NARS2: variants seen among roughly 807,000 people sequenced by gnomAD.
NARS2 encodes asparaginyl-tRNA synthetase 2, mitochondrial.
NARS2 carries 60 observed loss-of-function variants against 62.9 expected under a neutral mutation model. The observed-to-expected ratio is 0.95, with a 90% confidence interval of 0.77 to 1.18. The LOEUF (loss-of-function observed/expected upper bound fraction) is 1.18. Among genes scored for constraint, NARS2 ranks in the 50% most tolerant of loss-of-function variants. The pLI is 0.00. For missense variants in NARS2, 619 were observed against 576.4 expected, an observed-to-expected ratio of 1.07 and a Z score of -0.76; for synonymous variants, 196 against 200.0, an observed-to-expected ratio of 0.98 and a Z score of 0.17.
At position 78,465,876 on chromosome 11, in the gene NARS2, C is replaced by T. The variant is rs996766234; in HGVS notation, c.1164G>A (p.Thr388=). 69 of 1,613,904 alleles carry T rather than the reference C, an allele frequency of 4.3e-5. No homozygotes were observed. In the Admixed American group the frequency reaches 9.0e-4, roughly 21 times the overall value. The change falls in exon 11 of 14, where the codon ACG becomes ACA. Residue 388 remains threonine (T), a splice_region_variant and synonymous_variant. Transcript: ENST00000281038. ...CAATTTATTTAGTATCTCTTCTTAC[C>T]GTGTGCTGAGGGCCATCTTCATTAT... ...MRDNEDGPQH[T]VAAVDLLVPG...
intron 5 of NARS2, among the ~76,000 whole-genome samples, chr11:78,551,704 A>T (rs1856122831): frequency 6.6e-6 from 1 of 151,698 alleles, no homozygotes. Flanking sequence ...TACAAAAATT[A>T]GCCGGGCGTG....
chr11:78,502,255 C>T (rs139386541), intron 6 of NARS2, among the ~76,000 whole-genome samples: 1 of 152,246 alleles, frequency 6.6e-6, no homozygotes, highest in African/African-American at 2.4e-5. Flanking sequence ...AATTAATTTT[C>T]CTGCAGTTCT....
At chr11:78,438,883 G>A (rs960276254) in intron 13 of NARS2, among the ~76,000 whole-genome samples, 7 of 152,108 alleles carry the variant, frequency 4.6e-5, no homozygotes, top group African/African-American at 1.7e-4. Flanking sequence ...TACTAATATA[G>A]AAGGAAGCAA....
chr11:78,438,286 A>G (rs1857472461), intron 13 of NARS2, among the ~76,000 whole-genome samples: 1 of 152,206 alleles, frequency 6.6e-6, no homozygotes, highest in Non-Finnish European at 1.5e-5. Context: ...AAAACTTCAG[A>G]TTAGTAATAA....
At chr11:78,497,423 C>T (rs1318951923) in intron 6 of NARS2, among the ~76,000 whole-genome samples, 1 of 151,984 alleles carries the variant, frequency 6.6e-6, no homozygotes, top group Non-Finnish European at 1.5e-5. Flanking sequence ...AGAGGAACTG[C>T]TATTCTTTAG....
intron 9 of NARS2, among the ~76,000 whole-genome samples, chr11:78,477,514 A>G (rs900956987): frequency 2.0e-5 from 3 of 152,128 alleles, no homozygotes; most frequent in African/African-American, 7.2e-5. Context: ...TCTAAAATAT[A>G]TTCGGAATAG....
At chr11:78,537,659 T>C (rs912676820) in intron 5 of NARS2, among the ~76,000 whole-genome samples, 2 of 152,086 alleles carry the variant, frequency 1.3e-5, no homozygotes, top group Non-Finnish European at 2.9e-5. Flanking sequence ...AAATTAGCTG[T>C]GCATGGAGGC....
At chr11:78,521,059 C>CAAAA (rs1254790630) in intron 6 of NARS2, among the ~76,000 whole-genome samples, 1 of 139,234 alleles carries the variant, frequency 7.2e-6, no homozygotes. Context: ...ACTCTGTCTC[C>CAAAA]AAAAAAAAAA....
intron 1 of NARS2, among the ~76,000 whole-genome samples, chr11:78,572,136 C>G (rs991042684): frequency 1.3e-5 from 2 of 152,040 alleles, no homozygotes; most frequent in African/African-American, 4.8e-5. Flanking sequence ...GAGCCAAGAT[C>G]GCGCCAGTGC....
Position 78,469,270 on chromosome 11 carries a change from G to T in NARS2, c.1003C>A (p.Gln335Lys), listed in dbSNP as rs1338360201. The stretch of plus-strand genomic sequence containing the variant: ...ACCTCTGGGGTAAAGGTGAAGTTCT[G>T]GGATGCTTGCTTTAAGATCTCCACT... ...EAVEILKQAS[Q>K]NFTFTPEWGA... The change falls in exon 10 of 14, where the codon CAG becomes AAG. Residue 335 changes from glutamine to lysine, a missense_variant. Gln to Lys is a moderately conservative substitution (Grantham distance 53, BLOSUM62 1). Transcript: ENST00000281038. 3 of 1,612,728 alleles carry T rather than the reference G, an allele frequency of 1.9e-6. No individual in the cohort carries two copies. The highest frequency in any genetic ancestry group is 2.5e-6 in the Non-Finnish European group (3 of 1,179,026).
intron 5 of NARS2, among the ~76,000 whole-genome samples, chr11:78,542,557 C>T (rs1322163554): frequency 1.3e-5 from 2 of 152,116 alleles, no homozygotes; most frequent in East Asian, 3.9e-4. Flanking sequence ...AGAAGGGATA[C>T]CTATGCTCCA....
chr11:78,568,013 C>T (rs1308068750), intron 3 of NARS2, among the ~76,000 whole-genome samples: 1 of 152,200 alleles, frequency 6.6e-6, no homozygotes. Flanking sequence ...ATATATGAAG[C>T]TAACAGAAGA....
chr11:78,568,802 C>A (rs1240688201), intron 2 of NARS2, 50 bp from the exon 3 acceptor site: 9 of 1,394,812 alleles, frequency 6.5e-6, no homozygotes, highest in Non-Finnish European at 8.9e-6. Flanking sequence ...ATACAACCTT[C>A]ATTTTAATAT....
Position 78,568,616 on chromosome 11 carries a change from G to T in NARS2, c.372+16C>A, listed in dbSNP as rs1010634840. On this transcript the variant is annotated intron_variant, in intron 3 of 13. Transcript: ENST00000281038. Reference sequence around the variant, plus strand: ...TAAAGCCTAAACAGCCTCCACAAAAGTGTCAGAAATCATACCTTGGCATCA... The same window carrying T: ...TAAAGCCTAAACAGCCTCCACAAAATTGTCAGAAATCATACCTTGGCATCA... 1 of 1,609,062 alleles carries T rather than the reference G, an allele frequency of 6.2e-7. No homozygotes were observed. Among genetic ancestry groups the T allele is most frequent in the Middle Eastern group, 1.7e-4 (1 of 6,036 alleles).
At position 78,571,280 on chromosome 11, in the gene NARS2, A is replaced by G. The variant is rs930252464; in HGVS notation, c.251+55T>C. 2.1e-5 allele frequency: 23 copies of G among 1,086,394 alleles called. 1 individual carries two copies. Among genetic ancestry groups the G allele is most frequent in the Non-Finnish European group, 3.3e-5 (23 of 707,434 alleles). The allele number at this position is 1,086,394 out of a possible 1,614,324, so 67.3% of individuals were successfully genotyped here. ...TAAACACTGGAGTAGGGAAGTGAGA[A>G]GCACTAGAGGTGAAAAACAAAAATC... On this transcript the variant is annotated intron_variant, in intron 2 of 13. Transcript: ENST00000281038.
At chr11:78,538,887 C>A (rs946451582) in intron 5 of NARS2, among the ~76,000 whole-genome samples, 3 of 146,242 alleles carry the variant, frequency 2.1e-5, no homozygotes, top group Non-Finnish European at 3.0e-5. Context: ...CCCAGCTACT[C>A]GGGAGGCTGA....
intron 13 of NARS2, 34 bp from the exon 14 acceptor site, chr11:78,436,848 T>C (rs370752015): frequency 3.6e-5 from 58 of 1,599,248 alleles, no homozygotes; most frequent in South Asian, 5.5e-5. Flanking sequence ...ATCATCTATA[T>C]ATAGTATAAG....
At chr11:78,561,614 TA>T (rs1420303568) in intron 4 of NARS2, among the ~76,000 whole-genome samples, 1 of 152,212 alleles carries the variant, frequency 6.6e-6, no homozygotes, top group East Asian at 1.9e-4. Context: ...TACACATCAG[TA>T]AGAGAAGACT....
chr11:78,546,550 G>T (rs1025986965), intron 5 of NARS2: 4 of 152,168 alleles, frequency 2.6e-5, no homozygotes, highest in African/African-American at 9.7e-5. Context: ...ATTCAACAAG[G>T]AAAGAGATTC....
Sources: gnomAD v4.1 joint callset for allele counts (sites outside exome capture counted in the v4.1 genomes callset) on GRCh38, gnomAD v4.1.1 for gene constraint, MANE v1.5 for transcripts, NCBI Gene and HGNC (gene_info 2026-07-23, HGNC 2026-07-21) for gene names.